The following PPM1H variants were observed in gnomAD, a reference collection of about 807,000 sequenced individuals.
The protein encoded by PPM1H is protein phosphatase 1H.
A neutral mutation model predicts 54.9 loss-of-function variants in PPM1H; 27 were observed. The ratio of observed to expected loss-of-function variants is 0.49; its 90% CI spans 0.36 to 0.68. The LOEUF (loss-of-function observed/expected upper bound fraction) is 0.68, where lower values mean the gene tolerates loss of function less well. Ranked by LOEUF, PPM1H falls within the 30% of genes least tolerant of loss-of-function variation. The pLI, the probability that PPM1H is intolerant of heterozygous loss-of-function variation, is 0.00. For missense variants in PPM1H, 596 were observed against 667.8 expected (o/e 0.89, Z 1.19); for synonymous variants, 305 against 270.8 (o/e 1.13, Z -1.24).
intron 9 of PPM1H, chr12:62,659,375 A>G: frequency 2.3e-6 from 1 of 431,760 alleles, no homozygotes; most frequent in Non-Finnish European, 4.2e-6. Context: ...GACAGTTCAA[A>G]AGAGCAAAAG....
intron 1 of PPM1H, among the ~76,000 whole-genome samples, chr12:62,914,043 T>G (rs1014312590): frequency 6.6e-6 from 1 of 152,040 alleles, no homozygotes; most frequent in Non-Finnish European, 1.5e-5. Context: ...AGTGCTGTAG[T>G]TTGGTTTGTC....
intron 8 of PPM1H, among the ~76,000 whole-genome samples, chr12:62,670,929 T>A (rs909582498): frequency 1.5e-4 from 23 of 152,296 alleles, no homozygotes; most frequent in East Asian, 1.3e-3. Flanking sequence ...ACAACTCGTG[T>A]CCTATACATT....
chr12:62,656,804 C>G (rs1393515290), intron 9 of PPM1H, among the ~76,000 whole-genome samples: 2 of 151,952 alleles, frequency 1.3e-5, no homozygotes, highest in Non-Finnish European at 2.9e-5. Flanking sequence ...AAAGCTCTCC[C>G]AGCTTTGGAA....
intron 1 of PPM1H, among the ~76,000 whole-genome samples, chr12:62,851,976 G>A (rs1225621015): frequency 6.6e-6 from 1 of 151,720 alleles, no homozygotes; most frequent in African/African-American, 2.4e-5. Flanking sequence ...GCTCACGCCT[G>A]TAATCCCAGC....
intron 4 of PPM1H, among the ~76,000 whole-genome samples, chr12:62,748,432 G>A (rs2076424393): frequency 6.6e-6 from 1 of 152,046 alleles, no homozygotes; most frequent in South Asian, 2.1e-4. Flanking sequence ...AGTCCTGGGA[G>A]TGCAGAAATT....
At position 62,913,829 on chromosome 12, in the gene PPM1H, T is replaced by A. The variant is rs528683168; in HGVS notation, c.245+20663A>T. Among the ~76,000 whole-genome samples, 3 of 151,978 alleles carry A rather than the reference T, an allele frequency of 2.0e-5. No homozygotes were observed. In the East Asian group the frequency reaches 5.8e-4, roughly 29 times the overall value. ...GATTCTCCTGCCCCAGCCTCCTGAG[T>A]AGCTGGGATTATACGCATGCGCCAC... On this transcript the variant is annotated intron_variant, in intron 1 of 9. Coordinates refer to ENST00000228705, the MANE Select transcript of PPM1H (RefSeq NM_020700.2).
intron 6 of PPM1H, among the ~76,000 whole-genome samples, chr12:62,706,421 G>A (rs376743576): frequency 6.6e-6 from 1 of 152,230 alleles, no homozygotes; most frequent in Non-Finnish European, 1.5e-5. Flanking sequence ...TGGCCCTGTT[G>A]TTTCAGAGGA....
intron 1 of PPM1H, among the ~76,000 whole-genome samples, chr12:62,911,026 G>C (rs1871442866): frequency 6.6e-6 from 1 of 152,210 alleles, no homozygotes; most frequent in Non-Finnish European, 1.5e-5. Context: ...ATGTGGGACA[G>C]AAAATCTCCA....
At chr12:62,664,071 C>T (rs2075902909) in intron 9 of PPM1H, among the ~76,000 whole-genome samples, 1 of 76,490 alleles carries the variant, frequency 1.3e-5, no homozygotes, top group Admixed American at 1.5e-4. Context: ...ACAAGTCAGC[C>T]CTTAGGGCCT....
Position 62,788,157 on chromosome 12 carries a change from T to A in PPM1H, c.869+69A>T. The A allele has an allele frequency of 3.7e-6, 4 of 1,068,202 alleles. No individual in the cohort carries two copies. The South Asian group carries it at 5.6e-5, about 15-fold the overall frequency. The allele number at this position is 1,068,202 out of a possible 1,614,324, so 66.2% of individuals were successfully genotyped here. ...CTTTAATTATTTCTAATCATTTAAT[T>A]TTTGAGACAAAATAAAAACATCAGA... On this transcript the variant is annotated intron_variant, in intron 4 of 9. Transcript: ENST00000228705.
chr12:62,815,049 G>A (rs904550408), intron 2 of PPM1H, among the ~76,000 whole-genome samples: 1 of 152,204 alleles, frequency 6.6e-6, no homozygotes, highest in Non-Finnish European at 1.5e-5. Context: ...CAGTGAAAGG[G>A]AGAAGAATAA....
At chr12:62,809,428 C>T (rs1592610361) in intron 2 of PPM1H, among the ~76,000 whole-genome samples, 1 of 152,110 alleles carries the variant, frequency 6.6e-6, no homozygotes, top group Non-Finnish European at 1.5e-5. Flanking sequence ...CATCAACTGC[C>T]GTAAGATAGG....
At chr12:62,696,675 T>A (rs2076116507) in intron 6 of PPM1H, among the ~76,000 whole-genome samples, 1 of 152,214 alleles carries the variant, frequency 6.6e-6, no homozygotes, top group Non-Finnish European at 1.5e-5. Context: ...GCAGCTATGA[T>A]TTACTGAGCA....
intron 4 of PPM1H, among the ~76,000 whole-genome samples, chr12:62,785,070 T>C (rs2076662734): frequency 6.6e-6 from 1 of 152,212 alleles, no homozygotes; most frequent in African/African-American, 2.4e-5. Flanking sequence ...GCTTATTAGG[T>C]TTTAGAGATA....
At chr12:62,839,549 T>G (rs1868642930) in intron 1 of PPM1H, among the ~76,000 whole-genome samples, 1 of 152,056 alleles carries the variant, frequency 6.6e-6, no homozygotes, top group Non-Finnish European at 1.5e-5. Context: ...TCCTTGCTAG[T>G]TTACCCCAGA....
chr12:62,801,145 C>G (rs1313652268), intron 3 of PPM1H, among the ~76,000 whole-genome samples: 1 of 152,160 alleles, frequency 6.6e-6, no homozygotes, highest in Admixed American at 6.5e-5. Flanking sequence ...TTTCCTAAAC[C>G]CTGTTTCCCC....
intron 1 of PPM1H, among the ~76,000 whole-genome samples, chr12:62,890,398 C>T (rs1870741497): frequency 6.6e-6 from 1 of 152,108 alleles, no homozygotes; most frequent in Non-Finnish European, 1.5e-5. Flanking sequence ...GTCAAGACTG[C>T]AGTGAACAAT....
At chr12:62,808,650 A>G (rs1402383144) in intron 2 of PPM1H, among the ~76,000 whole-genome samples, 1 of 151,972 alleles carries the variant, frequency 6.6e-6, no homozygotes, top group Non-Finnish European at 1.5e-5. Flanking sequence ...GCTCATCACA[A>G]ACCACTAACC....
chr12:62,881,098 G>A (rs1565818445), intron 1 of PPM1H, among the ~76,000 whole-genome samples: 1 of 152,124 alleles, frequency 6.6e-6, no homozygotes, highest in Non-Finnish European at 1.5e-5. Context: ...AAGAAAACTG[G>A]GAGTCATCTG....
Sources: gnomAD v4.1 joint callset for allele counts (sites outside exome capture counted in the v4.1 genomes callset) on GRCh38, gnomAD v4.1.1 for gene constraint, MANE v1.5 for transcripts, NCBI Gene and HGNC (gene_info 2026-07-23, HGNC 2026-07-21) for gene names.